The following MICU1 variants were observed in gnomAD, a reference collection of about 807,000 sequenced individuals.
MICU1 encodes calcium uptake protein 1, mitochondrial.
MICU1 carries 45 observed loss-of-function variants against 56.8 expected under a neutral mutation model. The ratio of observed to expected loss-of-function variants is 0.79; its 90% CI spans 0.62 to 1.02. The LOEUF (loss-of-function observed/expected upper bound fraction) is 1.02. MICU1 is among the 50% of genes least tolerant of loss of function. The probability of loss-of-function intolerance (pLI) is 0.00; values close to 1 mark genes in which losing one functional copy is unlikely to be tolerated. For missense variants in MICU1, 504 were observed against 587.1 expected, an observed-to-expected ratio of 0.86 and a Z score of 1.46; for synonymous variants, 186 against 195.1, an observed-to-expected ratio of 0.95 and a Z score of 0.39.
At chr10:72,451,020 A>C (rs1469965177) in intron 8 of MICU1, among the ~76,000 whole-genome samples, 2 of 132,440 alleles carry the variant, frequency 1.5e-5, no homozygotes, top group Admixed American at 8.2e-5. Context: ...CCAGTCCCTT[A>C]AATCTTTTTT....
Position 72,502,243 on chromosome 10 carries a change from T to C in MICU1, c.652+5912A>G, listed in dbSNP as rs190398928. ...AACCTCAGCTCACTGCAACCTCTGC[T>C]TCCCAGGTTTAAGCAATTTTCCTGC... On this transcript the variant is annotated intron_variant, in intron 6 of 11. Transcript: ENST00000361114. 2.6e-5 allele frequency among the ~76,000 whole-genome samples: 4 copies of C among 151,474 alleles called. No homozygotes were observed. The East Asian group carries it at 7.8e-4, about 30-fold the overall frequency.
chr10:72,610,439 T>G (rs1403642134), intron 1 of MICU1, among the ~76,000 whole-genome samples: 5 of 151,516 alleles, frequency 3.3e-5, no homozygotes, highest in African/African-American at 4.9e-5. Context: ...TTAGAGAGAA[T>G]TTACTAAAAA....
chr10:72,392,513 G>C (rs1219313023), intron 10 of MICU1, among the ~76,000 whole-genome samples: 1 of 152,138 alleles, frequency 6.6e-6, no homozygotes, highest in African/African-American at 2.4e-5. Flanking sequence ...AGAGGTTGCG[G>C]TGAGCCAAGA....
At chr10:72,552,800 T>C (rs1375007467) in intron 3 of MICU1, among the ~76,000 whole-genome samples, 1 of 152,186 alleles carries the variant, frequency 6.6e-6, no homozygotes, top group African/African-American at 2.4e-5. Context: ...GTGATCCACC[T>C]GCCTGGGCCT....
intron 1 of MICU1, among the ~76,000 whole-genome samples, chr10:72,567,790 G>A (rs1292573951): frequency 1.3e-5 from 2 of 152,070 alleles, no homozygotes; most frequent in Non-Finnish European, 2.9e-5. Context: ...AAGCCACAAA[G>A]GGCACACTAG....
intron 6 of MICU1, among the ~76,000 whole-genome samples, chr10:72,489,095 C>T (rs1025949378): frequency 4.6e-5 from 7 of 152,016 alleles, no homozygotes; most frequent in African/African-American, 9.7e-5. Flanking sequence ...TCAAGACCAG[C>T]GTGGCCAACA....
chr10:72,606,873 TAATC>T (rs1841705050), intron 1 of MICU1, among the ~76,000 whole-genome samples: 1 of 152,078 alleles, frequency 6.6e-6, no homozygotes, highest in South Asian at 2.1e-4. Context: ...GCCAACGACT[TAATC>T]AATCATGCCT....
chr10:72,402,544 C>A (rs1454329097), intron 10 of MICU1, among the ~76,000 whole-genome samples: 1 of 150,978 alleles, frequency 6.6e-6, no homozygotes. Context: ...CAAACTTGGC[C>A]CAAATAAACT....
intron 4 of MICU1, among the ~76,000 whole-genome samples, chr10:72,535,299 A>G (rs997666638): frequency 3.3e-5 from 5 of 152,086 alleles, no homozygotes; most frequent in Admixed American, 6.6e-5. Context: ...TCAGCCTCCC[A>G]AAGTGCTGGG....
At chr10:72,400,874 C>A (rs1220660847) in intron 10 of MICU1, among the ~76,000 whole-genome samples, 2 of 138,728 alleles carry the variant, frequency 1.4e-5, no homozygotes, top group Non-Finnish European at 3.0e-5. Flanking sequence ...GCTACACACA[C>A]ACACACACAC....
chr10:72,536,009 G>A (rs896338310), intron 4 of MICU1, among the ~76,000 whole-genome samples: 6 of 152,024 alleles, frequency 3.9e-5, no homozygotes, highest in African/African-American at 4.8e-5. Flanking sequence ...AGAAAAAGTC[G>A]ATCTCATATA....
At chr10:72,377,232 G>A (rs1862553786) in intron 10 of MICU1, among the ~76,000 whole-genome samples, 1 of 151,940 alleles carries the variant, frequency 6.6e-6, no homozygotes, top group Non-Finnish European at 1.5e-5. Context: ...CAATTCTCCT[G>A]CTTCAGCCTC....
At chr10:72,379,505 T>C in intron 10 of MICU1, 1 of 360,252 alleles carries the variant, frequency 2.8e-6, no homozygotes, top group Non-Finnish European at 5.6e-6. Flanking sequence ...AGTTCTTCCA[T>C]TCTCTCAGGG....
intron 6 of MICU1, among the ~76,000 whole-genome samples, chr10:72,491,059 G>A (rs945854254): frequency 2.6e-5 from 4 of 152,164 alleles, no homozygotes; most frequent in Non-Finnish European, 5.9e-5. Context: ...AAGGCCAAAG[G>A]AGGATTTCCT....
chr10:72,561,429 G>A (rs1369262018), intron 3 of MICU1, among the ~76,000 whole-genome samples: 2 of 152,152 alleles, frequency 1.3e-5, no homozygotes, highest in Admixed American at 6.5e-5. Context: ...AGAAAAACAA[G>A]GACACTTGAT....
intron 8 of MICU1, among the ~76,000 whole-genome samples, chr10:72,434,314 C>G (rs1864640127): frequency 6.6e-6 from 1 of 152,022 alleles, no homozygotes; most frequent in South Asian, 2.1e-4. Flanking sequence ...TTACATAAAA[C>G]TTGTTGGTTA....
At chr10:72,538,211 A>G (rs1054916969) in intron 4 of MICU1, among the ~76,000 whole-genome samples, 1 of 152,106 alleles carries the variant, frequency 6.6e-6, no homozygotes, top group Non-Finnish European at 1.5e-5. Flanking sequence ...CTGTGCATTA[A>G]AAATCAACAC....
At chr10:72,425,088 T>C (rs1158011363) in intron 8 of MICU1, among the ~76,000 whole-genome samples, 1 of 152,236 alleles carries the variant, frequency 6.6e-6, no homozygotes, top group Non-Finnish European at 1.5e-5. Flanking sequence ...ATTTTCTAAA[T>C]GGGCATACTT....
chr10:72,540,154 C>G (rs1475288072), intron 4 of MICU1, among the ~76,000 whole-genome samples: 1 of 151,408 alleles, frequency 6.6e-6, no homozygotes, highest in Non-Finnish European at 1.5e-5. Context: ...GTAATCCCAG[C>G]TACTTGGGAG....
Sources: allele counts gnomAD v4.1 joint callset (sites outside exome capture counted in the v4.1 genomes callset), GRCh38; gene constraint gnomAD v4.1.1; transcripts MANE v1.5; gene names NCBI Gene and HGNC (gene_info 2026-07-23, HGNC 2026-07-21).